SCN11A: variants seen among roughly 807,000 people sequenced by gnomAD.
SCN11A encodes sodium voltage-gated channel alpha subunit 11.
A neutral mutation model predicts 162.2 loss-of-function variants in SCN11A; 122 were observed. The observed-to-expected ratio is 0.75, with a 90% CI of 0.65 to 0.87. The LOEUF (loss-of-function observed/expected upper bound fraction) is 0.87. SCN11A is among the 40% of genes least tolerant of loss of function. The probability of loss-of-function intolerance (pLI) is 0.00; values close to 1 mark genes in which losing one functional copy is unlikely to be tolerated. For missense variants in SCN11A, 2,015 were observed against 2,181.6 expected (o/e 0.92, Z 1.52); for synonymous variants, 758 against 751.5 (o/e 1.01, Z -0.14).
chr3:38,909,124 A>C lies in SCN11A; in HGVS notation c.1172T>G (p.Leu391Arg). Residue 391 changes from leucine (L) to arginine (R), a missense_variant, in exon 13 of 30, where the codon CTG (leucine) becomes CGG (arginine). Physicochemically the swap from Leu to Arg is moderately radical, Grantham distance 102 (BLOSUM62 -2). Transcript: ENST00000302328. ...AACAACAGCCAGGGTTAAGTTAATCAGGTAGAAGGAGCCCAGGAAAATGAC... is the reference window on the plus strand; with the variant it reads ...AACAACAGCCAGGGTTAAGTTAATCCGGTAGAAGGAGCCCAGGAAAATGAC... ...IVVIFLGSFY[L>R]INLTLAVVTM... is the part of the protein sequence containing the mutation. 3.7e-6 allele frequency: 6 copies of C among 1,614,114 alleles called. No homozygotes were observed. Among genetic ancestry groups the C allele is most frequent in the Non-Finnish European group, 5.1e-6 (6 of 1,179,990 alleles).
At chr3:38,884,725 A>G (rs1207632330) in intron 21 of SCN11A, among the ~76,000 whole-genome samples, 1 of 152,208 alleles carries the variant, frequency 6.6e-6, no homozygotes, top group Non-Finnish European at 1.5e-5. Context: ...TTGATTGCTT[A>G]TTTTTGTTCC....
intron 2 of SCN11A, among the ~76,000 whole-genome samples, chr3:38,999,321 T>A (rs1181517610): frequency 6.6e-6 from 1 of 152,200 alleles, no homozygotes; most frequent in Non-Finnish European, 1.5e-5. Context: ...TTTGGTGTGC[T>A]TTTTTTCTAA....
chr3:39,030,320 T>C (rs1161340039), intron 2 of SCN11A, among the ~76,000 whole-genome samples: 8 of 152,118 alleles, frequency 5.3e-5, no homozygotes, highest in Non-Finnish European at 1.2e-4. Context: ...CTTCAGGAAG[T>C]GCAGCCCTAG....
intron 3 of SCN11A, among the ~76,000 whole-genome samples, chr3:38,957,745 C>T (rs1429651918): frequency 6.6e-6 from 1 of 152,232 alleles, no homozygotes; most frequent in East Asian, 1.9e-4. Flanking sequence ...CTTTCCAAAG[C>T]TGCAAGCTTT....
intron 3 of SCN11A, among the ~76,000 whole-genome samples, 28 bp downstream of exon 3, chr3:38,960,255 A>G (rs1483985976): frequency 6.6e-6 from 1 of 152,236 alleles, no homozygotes; most frequent in East Asian, 1.9e-4. Flanking sequence ...AGAACAGAAC[A>G]GGCCTGCACC....
intron 1 of SCN11A, among the ~76,000 whole-genome samples, chr3:39,044,004 T>C (rs2032123974): frequency 6.6e-6 from 1 of 151,962 alleles, no homozygotes; most frequent in Admixed American, 6.6e-5. Flanking sequence ...AAGTTAAAGA[T>C]AAAAATAATT....
intron 2 of SCN11A, among the ~76,000 whole-genome samples, chr3:39,010,378 C>CTTTTTTTTTTTTTTTTTTTTTT (rs201494677): frequency 8.3e-6 from 1 of 120,752 alleles, no homozygotes. Flanking sequence ...TTTAGTTTTT[C>CTTTTTTTTTTTTTTTTTTTTTT]TTTTTTCTTT....
At chr3:38,933,615 A>T (rs1463164956) in intron 7 of SCN11A, among the ~76,000 whole-genome samples, 1 of 152,250 alleles carries the variant, frequency 6.6e-6, no homozygotes, top group Non-Finnish European at 1.5e-5. Flanking sequence ...ACTGGAAGAA[A>T]GGGTATCAGT....
chr3:39,031,523 CA>C, intron 2 of SCN11A, among the ~76,000 whole-genome samples: 1 of 128,908 alleles, frequency 7.8e-6, no homozygotes, highest in East Asian at 2.1e-4. Context: ...GAGATTCTGT[CA>C]AACAAAAAAC....
At chr3:38,864,935 C>G (rs2065018454) in intron 27 of SCN11A, among the ~76,000 whole-genome samples, 1 of 152,072 alleles carries the variant, frequency 6.6e-6, no homozygotes, top group Non-Finnish European at 1.5e-5. Context: ...ATTAAAGGCT[C>G]AGACCAATTT....
chr3:38,912,678 T>C (rs1357126304), intron 11 of SCN11A, among the ~76,000 whole-genome samples: 1 of 152,284 alleles, frequency 6.6e-6, no homozygotes, highest in East Asian at 1.9e-4. Context: ...CTTTTCTATG[T>C]CCGTGAGTTC....
At chr3:39,047,881 GA>G (rs1252396744) in intron 1 of SCN11A, among the ~76,000 whole-genome samples, 13 of 152,166 alleles carry the variant, frequency 8.5e-5, no homozygotes, top group Non-Finnish European at 1.6e-4. Flanking sequence ...AACAAATGCA[GA>G]GGGTGAGGAT....
At chr3:38,979,776 T>C (rs1237644403) in intron 2 of SCN11A, among the ~76,000 whole-genome samples, 1 of 152,196 alleles carries the variant, frequency 6.6e-6, no homozygotes, top group East Asian at 1.9e-4. Context: ...TTGTCTTCTC[T>C]AATGGATTCT....
At chr3:38,976,149 TC>T (rs1308760028) in intron 2 of SCN11A, among the ~76,000 whole-genome samples, 1 of 152,214 alleles carries the variant, frequency 6.6e-6, no homozygotes, top group Non-Finnish European at 1.5e-5. Flanking sequence ...CTCTCCAGTG[TC>T]ATTGTTTTCA....
intron 2 of SCN11A, among the ~76,000 whole-genome samples, chr3:38,966,476 G>A (rs549771145): frequency 6.6e-6 from 1 of 152,206 alleles, no homozygotes; most frequent in East Asian, 1.9e-4. Context: ...CATTTTTATT[G>A]CTATACAATA....
At chr3:39,004,598 T>C (rs1395830038) in intron 2 of SCN11A, among the ~76,000 whole-genome samples, 4 of 152,226 alleles carry the variant, frequency 2.6e-5, no homozygotes, top group Non-Finnish European at 5.9e-5. Context: ...ATTGAATCTG[T>C]AAATTGCTTT....
At chr3:39,042,974 A>AAAAAAAAAAAAG (rs56332636) in intron 1 of SCN11A, among the ~76,000 whole-genome samples, 272 of 103,258 alleles carry the variant, frequency 2.6e-3, no homozygotes, top group East Asian at 4.6e-3. Flanking sequence ...AAAAAAAAAA[A>AAAAAAAAAAAAG]AAAAAGAAAA....
At chr3:38,981,032 G>A (rs1340208660) in intron 2 of SCN11A, among the ~76,000 whole-genome samples, 2 of 152,154 alleles carry the variant, frequency 1.3e-5, no homozygotes, top group African/African-American at 2.4e-5. Flanking sequence ...TCTGTTTGTC[G>A]GTAGCAGAAC....
intron 23 of SCN11A, among the ~76,000 whole-genome samples, chr3:38,877,349 CTATATATATGG>C (rs2065235410): frequency 3.1e-5 from 1 of 32,452 alleles, no homozygotes; most frequent in African/African-American, 1.4e-4. Flanking sequence ...GGTGTATATA[CTATATATATGG>C]TATATATATG....
Sources: gnomAD v4.1 joint callset for allele counts (sites outside exome capture counted in the v4.1 genomes callset) on GRCh38, gnomAD v4.1.1 for gene constraint, MANE v1.5 for transcripts, NCBI Gene and HGNC (gene_info 2026-07-23, HGNC 2026-07-21) for gene names.